The following LRRC28 variants were observed in gnomAD, a reference collection of about 807,000 sequenced individuals.
LRRC28 encodes the protein leucine rich repeat containing 28.
LRRC28 carries 39 observed loss-of-function variants against 45.7 expected under a neutral mutation model. That is an observed-to-expected ratio of 0.85 (90% CI 0.66 to 1.12). The LOEUF (loss-of-function observed/expected upper bound fraction) is 1.12. LRRC28 is among the 50% of genes most tolerant of loss of function. LRRC28 has a pLI of 0.00. For missense variants in LRRC28, 435 were observed against 438.5 expected, an observed-to-expected ratio of 0.99 and a Z score of 0.07; for synonymous variants, 206 against 178.8, an observed-to-expected ratio of 1.15 and a Z score of -1.22.
intron 5 of LRRC28, among the ~76,000 whole-genome samples, chr15:99,330,453 T>C (rs1956123977): frequency 6.6e-6 from 1 of 152,218 alleles, no homozygotes; most frequent in African/African-American, 2.4e-5. Context: ...TTGACTTATT[T>C]TTCTAAAGTA....
rs374522779 is a variant in LRRC28, at chr15:99,287,961, G to C, written c.385+10G>C. Reference sequence around the variant, plus strand: ...CAATTCCTACCTCCAGGTAATCATAGTCTCTAGCACACTATAGTTTCTTGT... The same window carrying C: ...CAATTCCTACCTCCAGGTAATCATACTCTCTAGCACACTATAGTTTCTTGT... On this transcript the variant is annotated intron_variant, in intron 5 of 9. Transcript: ENST00000301981. 1 of 1,612,582 alleles carries C rather than the reference G, an allele frequency of 6.2e-7. No homozygotes were observed. Among genetic ancestry groups the C allele is most frequent in the Admixed American group, 1.7e-5 (1 of 59,932 alleles).
intron 9 of LRRC28, among the ~76,000 whole-genome samples, chr15:99,376,502 T>G (rs1957638028): frequency 6.6e-6 from 1 of 152,190 alleles, no homozygotes; most frequent in Admixed American, 6.5e-5. Context: ...ATCCTATTAC[T>G]TTTTGATGAC....
chr15:99,259,651 G>T, intron 2 of LRRC28: 1 of 1,419,070 alleles, frequency 7.0e-7, no homozygotes, highest in Non-Finnish European at 1.0e-6. Flanking sequence ...ATTACCATGC[G>T]AGTCGGAAGA....
At chr15:99,258,639 C>A in intron 2 of LRRC28, 1 of 753,478 alleles carries the variant, frequency 1.3e-6, no homozygotes, top group Non-Finnish European at 2.4e-6. Flanking sequence ...TGATATCAAA[C>A]CAATATGGCA....
chr15:99,360,736 T>A (rs1022737543), intron 7 of LRRC28, among the ~76,000 whole-genome samples: 3 of 152,218 alleles, frequency 2.0e-5, no homozygotes, highest in Non-Finnish European at 2.9e-5. Flanking sequence ...TGAGTTTCGG[T>A]AACACTGCAG....
intron 2 of LRRC28, chr15:99,258,858 G>A: frequency 1.4e-6 from 1 of 704,934 alleles, no homozygotes; most frequent in Non-Finnish European, 2.7e-6. Flanking sequence ...TATGTGCGCT[G>A]TGTATTCATC....
At chr15:99,253,537 A>G (rs1169927982) in intron 1 of LRRC28, among the ~76,000 whole-genome samples, 4 of 152,236 alleles carry the variant, frequency 2.6e-5, no homozygotes, top group Non-Finnish European at 4.4e-5. Context: ...GGAAAAGCCC[A>G]GAAGCTTGGT....
chr15:99,263,171 A>G (rs1319038357), intron 2 of LRRC28, among the ~76,000 whole-genome samples: 1 of 143,994 alleles, frequency 6.9e-6, no homozygotes, highest in Admixed American at 6.9e-5. Flanking sequence ...AAAAAAAAAT[A>G]GCTGGTTGTG....
At chr15:99,295,601 T>C (rs2082242820) in intron 5 of LRRC28, among the ~76,000 whole-genome samples, 1 of 152,184 alleles carries the variant, frequency 6.6e-6, no homozygotes, top group African/African-American at 2.4e-5. Context: ...GAGAGAAGGT[T>C]ATAGTAACAA....
chr15:99,254,486 T>C (rs909479809), intron 1 of LRRC28, among the ~76,000 whole-genome samples: 6 of 152,162 alleles, frequency 3.9e-5, no homozygotes, highest in South Asian at 4.1e-4. Context: ...AAAAAATTAT[T>C]GAAAGGTACT....
chr15:99,260,448 T>C (rs2081163396), intron 2 of LRRC28, among the ~76,000 whole-genome samples: 1 of 152,334 alleles, frequency 6.6e-6, no homozygotes, highest in African/African-American at 2.4e-5. Flanking sequence ...AATTGTTGTA[T>C]GTGTTTATAA....
chr15:99,254,929 A>G (rs1404851505), intron 1 of LRRC28, among the ~76,000 whole-genome samples: 1 of 152,228 alleles, frequency 6.6e-6, no homozygotes, highest in Non-Finnish European at 1.5e-5. Flanking sequence ...ACCCAGAGAC[A>G]TTGTAATATT....
At chr15:99,316,122 T>C (rs943613161) in intron 5 of LRRC28, among the ~76,000 whole-genome samples, 2 of 152,194 alleles carry the variant, frequency 1.3e-5, no homozygotes, top group Admixed American at 1.3e-4. Flanking sequence ...CTATATTGGC[T>C]CAACCAGTAA....
chr15:99,368,214 T>A (rs1348317067), intron 9 of LRRC28, among the ~76,000 whole-genome samples: 12 of 152,156 alleles, frequency 7.9e-5, no homozygotes, highest in African/African-American at 2.4e-4. Context: ...ATCTTAAATA[T>A]CTAAATCAGG....
At chr15:99,346,572 G>A (rs2152310044) in intron 6 of LRRC28, among the ~76,000 whole-genome samples, 1 of 152,270 alleles carries the variant, frequency 6.6e-6, no homozygotes, top group Admixed American at 6.5e-5. Context: ...GGAAAAATGT[G>A]CACTCCTGTG....
At chr15:99,263,948 A>G (rs56122391) in intron 2 of LRRC28, among the ~76,000 whole-genome samples, 8,039 of 152,310 alleles carry the variant, frequency 0.053, 288 homozygotes, top group East Asian at 0.11. Context: ...CGTTCGAGGG[A>G]CAAGTCTACA....
intron 2 of LRRC28, among the ~76,000 whole-genome samples, chr15:99,263,032 G>A (rs1411941137): frequency 3.3e-5 from 5 of 151,754 alleles, no homozygotes; most frequent in Non-Finnish European, 7.4e-5. Flanking sequence ...TGTGGGGGCC[G>A]GGTGCAGTGG....
intron 9 of LRRC28, among the ~76,000 whole-genome samples, chr15:99,369,985 G>A (rs1396814096): frequency 6.6e-6 from 1 of 152,222 alleles, no homozygotes; most frequent in East Asian, 1.9e-4. Flanking sequence ...AAGAGATCTA[G>A]TTTGGAAGTT....
intron 3 of LRRC28, 27 bp downstream of exon 3, chr15:99,276,643 A>G: frequency 6.7e-7 from 1 of 1,487,060 alleles, no homozygotes; most frequent in Non-Finnish European, 9.0e-7. Context: ...AAATTTTTTA[A>G]AGACAAGAAT....
Sources: allele counts gnomAD v4.1 joint callset (sites outside exome capture counted in the v4.1 genomes callset), GRCh38; gene constraint gnomAD v4.1.1; transcripts MANE v1.5; gene names NCBI Gene and HGNC (gene_info 2026-07-23, HGNC 2026-07-21).